SCUBE1: variants seen among roughly 807,000 people sequenced by gnomAD.
The protein encoded by SCUBE1 is signal peptide, CUB and EGF-like domain-containing protein 1.
Under a neutral mutation model 124.4 loss-of-function variants are expected in SCUBE1, and 59 were observed. The ratio of observed to expected loss-of-function variants is 0.47; its 90% CI spans 0.38 to 0.59. The LOEUF is 0.59. Ranked by LOEUF, SCUBE1 falls within the 20% of genes least tolerant of loss-of-function variation. The pLI is 0.00. For missense variants in SCUBE1, 1,150 were observed against 1,371.2 expected, an observed-to-expected ratio of 0.84 and a Z score of 2.55; for synonymous variants, 545 against 550.9, an observed-to-expected ratio of 0.99 and a Z score of 0.15.
At chr22:43,281,764 T>C (rs1047383088) in intron 4 of SCUBE1, among the ~76,000 whole-genome samples, 1 of 152,240 alleles carries the variant, frequency 6.6e-6, no homozygotes, top group Non-Finnish European at 1.5e-5. Context: ...CCTGTACAAC[T>C]GAGGCAAGTG....
intron 2 of SCUBE1, among the ~76,000 whole-genome samples, chr22:43,324,835 T>G (rs1024374917): frequency 6.6e-6 from 1 of 150,954 alleles, no homozygotes; most frequent in African/African-American, 2.4e-5. Flanking sequence ...AGGGCTGTTG[T>G]GGATTAAATT....
intron 3 of SCUBE1, among the ~76,000 whole-genome samples, chr22:43,315,865 C>T (rs1425785098): frequency 6.6e-6 from 1 of 152,222 alleles, no homozygotes; most frequent in Non-Finnish European, 1.5e-5. Flanking sequence ...TGCTAGTCTG[C>T]AGGCTGCTGG....
intron 7 of SCUBE1, 80 bp downstream of exon 7, chr22:43,238,757 TG>T (rs1333664823): frequency 8.6e-7 from 1 of 1,168,602 alleles, no homozygotes; most frequent in Non-Finnish European, 1.3e-6. Context: ...AGCCCAGCCC[TG>T]GGCCCGGCTA....
At chr22:43,279,652 T>C (rs559966765) in intron 4 of SCUBE1, among the ~76,000 whole-genome samples, 67 of 152,348 alleles carry the variant, frequency 4.4e-4, no homozygotes, top group African/African-American at 1.4e-3. Context: ...GCAATCTTTT[T>C]TGCTGACTGA....
Position 43,339,090 on chromosome 22 carries a change from C to T in SCUBE1, c.220+14G>A, listed in dbSNP as rs115775928. The T allele has an allele frequency of 3.0e-5, 49 of 1,613,122 alleles. No individual in the cohort carries two copies. The highest frequency in any genetic ancestry group is 2.3e-4 in the African/African-American group (17 of 75,036). On this transcript the variant is annotated intron_variant, in intron 2 of 21. Transcript: ENST00000360835. ...AGCCTCAGGGTCTGCCCGGGAGGGC[C>T]GGGCTGGACTCACCTTCACACTGCT...
intron 14 of SCUBE1, 123 bp from the exon 15 acceptor site, chr22:43,218,581 C>A: frequency 1.0e-6 from 1 of 998,648 alleles, no homozygotes; most frequent in Non-Finnish European, 1.5e-6. Context: ...CACATTCTCA[C>A]AACAGTCCTG....
intron 3 of SCUBE1, among the ~76,000 whole-genome samples, chr22:43,297,860 T>C (rs956471406): frequency 3.9e-5 from 6 of 152,238 alleles, no homozygotes; most frequent in African/African-American, 1.4e-4. Context: ...CGTGTTCTGC[T>C]TGGACCCACC....
chr22:43,342,538 C>T (rs1927357178), intron 1 of SCUBE1, among the ~76,000 whole-genome samples: 1 of 151,558 alleles, frequency 6.6e-6, no homozygotes, highest in Admixed American at 6.6e-5. Flanking sequence ...CGGCGTCCAT[C>T]TGTCCCCCGT....
chr22:43,291,016 A>G, intron 4 of SCUBE1, 30 bp downstream of exon 4: 1 of 1,547,148 alleles, frequency 6.5e-7, no homozygotes, highest in Non-Finnish European at 8.8e-7. Context: ...CTGGGGGGGG[A>G]CATGCCTGGT....
At chr22:43,312,630 G>T (rs1926210748) in intron 3 of SCUBE1, among the ~76,000 whole-genome samples, 4 of 152,218 alleles carry the variant, frequency 2.6e-5, no homozygotes, top group Non-Finnish European at 5.9e-5. Flanking sequence ...CAAGGATGAT[G>T]TGAGGTGCCT....
intron 3 of SCUBE1, among the ~76,000 whole-genome samples, chr22:43,319,323 T>C (rs1028262276): frequency 1.3e-5 from 2 of 151,818 alleles, no homozygotes; most frequent in East Asian, 3.9e-4. Context: ...TCCCAGCACT[T>C]TGGGAAGCCG....
chr22:43,238,737 G>GC (rs1365823100), intron 7 of SCUBE1, 101 bp downstream of exon 7: 3 of 920,042 alleles, frequency 3.3e-6, no homozygotes, highest in South Asian at 2.6e-5. Flanking sequence ...GCTACACGTG[G>GC]CCCCCGTTCA....
chr22:43,319,558 C>CAAA (rs35230785), intron 3 of SCUBE1, among the ~76,000 whole-genome samples: 1,400 of 54,312 alleles, frequency 0.026, 206 homozygotes, highest in African/African-American at 0.088. Flanking sequence ...GACTCCATCT[C>CAAA]AAAAAAAAAA....
At chr22:43,292,593 A>ACACACACT (rs1284211250) in intron 3 of SCUBE1, among the ~76,000 whole-genome samples, 1 of 151,694 alleles carries the variant, frequency 6.6e-6, no homozygotes, top group Admixed American at 6.6e-5. Flanking sequence ...ACACACACAC[A>ACACACACT]CACTCTTCGG....
At chr22:43,291,024 G>A (rs775589502) in intron 4 of SCUBE1, 22 bp downstream of exon 4, 2 of 1,565,074 alleles carry the variant, frequency 1.3e-6, no homozygotes, top group South Asian at 1.2e-5. Context: ...GGACATGCCT[G>A]GTCAGCATAG....
intron 6 of SCUBE1, among the ~76,000 whole-genome samples, chr22:43,252,148 G>A (rs988683910): frequency 6.6e-6 from 1 of 152,220 alleles, no homozygotes; most frequent in Non-Finnish European, 1.5e-5. Flanking sequence ...TCAGGGACTG[G>A]GGTGACTATC....
At chr22:43,246,912 T>C (rs973007236) in intron 6 of SCUBE1, among the ~76,000 whole-genome samples, 1 of 146,284 alleles carries the variant, frequency 6.8e-6, no homozygotes. Context: ...CTGGAGCCTG[T>C]GTCCATGCTC....
chr22:43,332,219 C>T (rs572839630), intron 2 of SCUBE1, among the ~76,000 whole-genome samples: 50 of 152,172 alleles, frequency 3.3e-4, no homozygotes, highest in African/African-American at 9.9e-4. Context: ...AACTAGGAGG[C>T]GGAGGTTGCA....
chr22:43,315,300 G>C (rs1329336088), intron 3 of SCUBE1, among the ~76,000 whole-genome samples: 1 of 151,864 alleles, frequency 6.6e-6, no homozygotes, highest in African/African-American at 2.4e-5. Flanking sequence ...GGGAACTGAA[G>C]CTTGGTGGGC....
Sources: gnomAD v4.1 joint callset for allele counts (sites outside exome capture counted in the v4.1 genomes callset) on GRCh38, gnomAD v4.1.1 for gene constraint, MANE v1.5 for transcripts, NCBI Gene and HGNC (gene_info 2026-07-23, HGNC 2026-07-21) for gene names.